MAP2K5: variants seen among roughly 807,000 people sequenced by gnomAD.
MAP2K5 encodes the protein dual specificity mitogen-activated protein kinase kinase 5.
MAP2K5 carries 49 observed loss-of-function variants against 83.1 expected under a neutral mutation model. That is an observed-to-expected ratio of 0.59 (90% CI 0.47 to 0.75). The LOEUF (loss-of-function observed/expected upper bound fraction) is 0.75, where lower values mean the gene tolerates loss of function less well. MAP2K5 is among the 30% of genes least tolerant of loss of function. The probability of loss-of-function intolerance (pLI) is 0.00; values close to 1 mark genes in which losing one functional copy is unlikely to be tolerated. For synonymous variants in MAP2K5, 202 were observed against 191.8 expected (o/e 1.05, Z -0.44); for missense variants, 457 against 557.5 (o/e 0.82, Z 1.82).
chr15:67,694,615 G>A (rs1243074222), intron 15 of MAP2K5, among the ~76,000 whole-genome samples: 1 of 152,122 alleles, frequency 6.6e-6, no homozygotes, highest in Non-Finnish European at 1.5e-5. Flanking sequence ...AACAACAGGT[G>A]CTGGAGAGGA....
rs529853724 is a variant in MAP2K5, at chr15:67,543,974, G to A, written c.135+504G>A. Among the ~76,000 whole-genome samples, 115 of 152,292 alleles carry A rather than the reference G, an allele frequency of 7.6e-4. No individual in the cohort carries two copies. Among genetic ancestry groups the A allele is most frequent in the African/African-American group, 2.6e-3 (110 of 41,556 alleles). Reference sequence around the variant, plus strand: ...CGCTCAGGCTGCAGTGCTGTGGCACGATCTCGGCTCACTGCAGCCTCTGCC... The same window carrying A: ...CGCTCAGGCTGCAGTGCTGTGGCACAATCTCGGCTCACTGCAGCCTCTGCC... On this transcript the variant is annotated intron_variant, in intron 1 of 21. Transcript: ENST00000178640. The surrounding 1 kb of genome is among the most constrained non-coding windows in gnomAD (Gnocchi z 4.3).
In MAP2K5 at chr15:67,739,747, C is replaced by G. The variant is rs1284457784; in HGVS notation, c.1075-8484C>G. Among the ~76,000 whole-genome samples, 6 of 152,020 alleles carry G rather than the reference C, an allele frequency of 3.9e-5. No individual in the cohort carries two copies. In the East Asian group the frequency reaches 1.2e-3, roughly 29 times the overall value. On this transcript the variant is annotated intron_variant, in intron 17 of 21. Coordinates refer to ENST00000178640, the MANE Select transcript of MAP2K5 (RefSeq NM_145160.3). ...CCACCCACCTCGGCCACCCAAAGTG[C>G]TAGGATTACAGGCATGAGCCACTGC...
Position 67,637,547 on chromosome 15 carries a change from A to G in MAP2K5, c.585+6620A>G, listed in dbSNP as rs181015531. Among the ~76,000 whole-genome samples, 43 of 152,120 alleles carry G rather than the reference A, an allele frequency of 2.8e-4. 1 individual carries two copies. Among genetic ancestry groups the G allele is most frequent in the Admixed American group, 2.1e-3 (32 of 15,264 alleles). Reference sequence around the variant, plus strand: ...ATTAATCTGGAGATCGTTTCTTCTGAGCCTTTCTAGTGGTTCTCTCCCTGG... The same window carrying G: ...ATTAATCTGGAGATCGTTTCTTCTGGGCCTTTCTAGTGGTTCTCTCCCTGG... On this transcript the variant is annotated intron_variant, in intron 9 of 21. Coordinates refer to ENST00000178640, the MANE Select transcript of MAP2K5 (RefSeq NM_145160.3). This position sits in a 1 kb window ranked among gnomAD's most constrained non-coding sequence, Gnocchi z 4.5.
intron 14 of MAP2K5, among the ~76,000 whole-genome samples, chr15:67,692,789 G>A (rs957150039): frequency 2.0e-5 from 3 of 152,070 alleles, no homozygotes; most frequent in South Asian, 2.1e-4. Context: ...TACTACTTAC[G>A]AATAGCAAAC....
At chr15:67,594,439 C>A (rs546424156) in intron 7 of MAP2K5, among the ~76,000 whole-genome samples, 1 of 152,264 alleles carries the variant, frequency 6.6e-6, no homozygotes, top group Admixed American at 6.5e-5. Flanking sequence ...AAATATATTT[C>A]AAAATTGACA....
At chr15:67,557,362 G>T (rs1023568958) in intron 2 of MAP2K5, among the ~76,000 whole-genome samples, 16 of 152,152 alleles carry the variant, frequency 1.1e-4, no homozygotes, top group Non-Finnish European at 2.1e-4. Context: ...AAACCATGTG[G>T]TTTCACTTTT....
At position 67,769,537 on chromosome 15, in the gene MAP2K5, G is replaced by A. The variant is rs2090101909; in HGVS notation, c.1135-65G>A. 7.1e-7 allele frequency: 1 copy of A among 1,401,376 alleles called. No individual in the cohort carries two copies. Among genetic ancestry groups the A allele is most frequent in the East Asian group, 2.3e-5 (1 of 43,778 alleles). 86.8% of individuals were successfully genotyped at this position (1,401,376 alleles called of 1,614,324 possible). ...ATACTCATCCTTCACATGGGTGGGT[G>A]GGGAATATAAAGAAAGAGAAGGAAC... On this transcript the variant is annotated intron_variant, in intron 19 of 21. Transcript: ENST00000178640. The surrounding 1 kb of genome is among the most constrained non-coding windows in gnomAD (Gnocchi z 5.2).
Position 67,640,833 on chromosome 15 carries a change from A to G in MAP2K5, c.586-5398A>G, listed in dbSNP as rs1471973326. ...ATTTTTAAAAGAAGTTGAATTTTGGAAAGAATAATGTACCATGAATTTCTA... is the reference window on the plus strand; with the variant it reads ...ATTTTTAAAAGAAGTTGAATTTTGGGAAGAATAATGTACCATGAATTTCTA... On this transcript the variant is annotated intron_variant, in intron 9 of 21. Transcript: ENST00000178640. The surrounding 1 kb of genome is among the most constrained non-coding windows in gnomAD (Gnocchi z 4.6). Among the ~76,000 whole-genome samples, 1 of 152,240 alleles carries G rather than the reference A, an allele frequency of 6.6e-6. No homozygotes were observed. The highest frequency in any genetic ancestry group is 1.5e-5 in the Non-Finnish European group (1 of 68,040).
At chr15:67,799,647 A>G (rs541043427) in intron 21 of MAP2K5, among the ~76,000 whole-genome samples, 1 of 152,370 alleles carries the variant, frequency 6.6e-6, no homozygotes, top group East Asian at 1.9e-4. Context: ...AGAGGTGAAC[A>G]ACTGCAGGCC....
intron 9 of MAP2K5, among the ~76,000 whole-genome samples, chr15:67,631,129 C>T (rs1010181582): frequency 1.3e-5 from 2 of 152,130 alleles, no homozygotes; most frequent in South Asian, 4.1e-4. Flanking sequence ...TTGTAAGCTC[C>T]GTGTATTGTG....
At chr15:67,597,739 T>C (rs1033004260) in intron 7 of MAP2K5, among the ~76,000 whole-genome samples, 2 of 152,162 alleles carry the variant, frequency 1.3e-5, no homozygotes, top group Non-Finnish European at 2.9e-5. Context: ...ATTAGCCCAT[T>C]TGATAAGAGA....
chr15:67,705,850 A>T (rs1490332373), intron 16 of MAP2K5, among the ~76,000 whole-genome samples: 1 of 152,230 alleles, frequency 6.6e-6, no homozygotes, highest in Non-Finnish European at 1.5e-5. Flanking sequence ...GCTCAAAGGC[A>T]CCAAGATAGA....
chr15:67,763,138 T>C (rs2089980652), intron 19 of MAP2K5, among the ~76,000 whole-genome samples: 1 of 152,158 alleles, frequency 6.6e-6, no homozygotes, highest in Non-Finnish European at 1.5e-5. Flanking sequence ...TCTTCTCTGG[T>C]ATGTCATCTG....
chr15:67,716,464 A>G (rs2088828879), intron 16 of MAP2K5, among the ~76,000 whole-genome samples: 1 of 152,272 alleles, frequency 6.6e-6, no homozygotes, highest in Admixed American at 6.5e-5. Context: ...ATGTCTCAAC[A>G]CTAAAATTCT....
chr15:67,729,884 A>G (rs1466401965), intron 17 of MAP2K5, among the ~76,000 whole-genome samples: 1 of 152,242 alleles, frequency 6.6e-6, no homozygotes. Flanking sequence ...ATGTCTAAAT[A>G]TATCTTTACT....
At position 67,703,332 on chromosome 15, in the gene MAP2K5, T is replaced by G; in HGVS notation, c.973-5T>G. 1 of 1,612,132 alleles carries G rather than the reference T, an allele frequency of 6.2e-7. No individual in the cohort carries two copies. The highest frequency in any genetic ancestry group is 8.5e-7 in the Non-Finnish European group (1 of 1,178,342). ...ACTCACAGGCTCCCTTCTGATTTCTTGCAGCCTGAAAGGATTTCAGGGGAG... is the reference window on the plus strand; with the variant it reads ...ACTCACAGGCTCCCTTCTGATTTCTGGCAGCCTGAAAGGATTTCAGGGGAG... On this transcript the variant is annotated splice_polypyrimidine_tract_variant and splice_region_variant and intron_variant, in intron 15 of 21. Transcript: ENST00000178640.
intron 9 of MAP2K5, among the ~76,000 whole-genome samples, chr15:67,633,386 A>G (rs2086519847): frequency 6.6e-6 from 1 of 152,232 alleles, no homozygotes; most frequent in Non-Finnish European, 1.5e-5. Context: ...CTAGAAATCT[A>G]TGATTATTTG....
intron 2 of MAP2K5, among the ~76,000 whole-genome samples, chr15:67,557,223 C>T (rs1567271017): frequency 6.6e-6 from 1 of 152,206 alleles, no homozygotes. Context: ...CCTCTGCCAG[C>T]ATTTTCTCTA....
intron 16 of MAP2K5, among the ~76,000 whole-genome samples, chr15:67,727,568 C>T (rs1158908226): frequency 2.0e-5 from 3 of 152,152 alleles, no homozygotes; most frequent in African/African-American, 7.2e-5. Flanking sequence ...TTTTACAAGA[C>T]TAAAAGCAAA....
Sources: gnomAD v4.1 joint callset for allele counts (sites outside exome capture counted in the v4.1 genomes callset) on GRCh38, gnomAD v4.1.1 for gene constraint, Gnocchi (gnomAD v3.1) non-coding constraint, MANE v1.5 for transcripts, NCBI Gene and HGNC (gene_info 2026-07-23, HGNC 2026-07-21) for gene names.